Variants in ROR2 observed in about 807,000 individuals in gnomAD.
ROR2 encodes ROR family WNT receptor 2, also known as tyrosine-protein kinase transmembrane receptor ROR2.
A neutral mutation model predicts 74.9 loss-of-function variants in ROR2; 33 were observed. The ratio of observed to expected loss-of-function variants is 0.44; its 90% CI spans 0.33 to 0.59. ROR2 has a LOEUF of 0.59. Ranked by LOEUF, ROR2 falls within the 20% of genes least tolerant of loss-of-function variation. The pLI, the probability that ROR2 is intolerant of heterozygous loss-of-function variation, is 0.02. For synonymous variants in ROR2, 586 were observed against 558.7 expected, an observed-to-expected ratio of 1.05 and a Z score of -0.69; for missense variants, 1,216 against 1,313.8, an observed-to-expected ratio of 0.93 and a Z score of 1.15.
chr9:91,941,032 C>T (rs1256625292), intron 1 of ROR2, among the ~76,000 whole-genome samples: 41 of 128,416 alleles, frequency 3.2e-4, no homozygotes, highest in African/African-American at 1.3e-3. Context: ...GAGTCTCGCT[C>T]TTTCACCCAG....
chr9:91,901,803 CAA>C (rs369341148), intron 1 of ROR2, among the ~76,000 whole-genome samples: 9 of 62,072 alleles, frequency 1.4e-4, no homozygotes, highest in South Asian at 5.1e-4. Context: ...GACTCCATCT[CAA>C]AAAAAAAAAA....
At chr9:91,824,051 T>C (rs1828213446) in intron 1 of ROR2, among the ~76,000 whole-genome samples, 1 of 152,218 alleles carries the variant, frequency 6.6e-6, no homozygotes, top group South Asian at 2.1e-4. Flanking sequence ...TTCACAGCAG[T>C]GTGTCTAAGT....
intron 1 of ROR2, among the ~76,000 whole-genome samples, chr9:91,919,423 C>G (rs1831213182): frequency 6.6e-6 from 1 of 152,186 alleles, no homozygotes; most frequent in South Asian, 2.1e-4. Flanking sequence ...GTAATAACAA[C>G]GGTTCAGGAG....
At chr9:91,738,804 G>A (rs1003811941) in intron 4 of ROR2, among the ~76,000 whole-genome samples, 4 of 152,196 alleles carry the variant, frequency 2.6e-5, no homozygotes, top group African/African-American at 9.7e-5. Flanking sequence ...GACACGGACA[G>A]GCTGTTCTCC....
chr9:91,724,582 G>A lies in ROR2; in HGVS notation c.1912C>T (p.Arg638Ter), dbSNP rs750174836. The A allele has an allele frequency of 6.2e-6, 10 of 1,614,078 alleles. No individual in the cohort carries two copies. The highest frequency in any genetic ancestry group is 2.2e-5 in the East Asian group (1 of 44,854). The part of the protein sequence containing the change: ...NVKISDLGLF[R>*]EVYAADYYKL... ...TAGTAATCGGCGGCATACACCTCTC[G>A]GAAGAGGCCCAAGTCTGAGATCTTC... The change falls in exon 9 of 9, where the codon CGA becomes TGA. Residue 638 changes from arginine (R) to a stop codon, truncating the protein, a stop_gained. Coordinates refer to ENST00000375708, the MANE Select transcript of ROR2 (RefSeq NM_004560.4). LOFTEE classifies it high-confidence loss of function.
intron 2 of ROR2, among the ~76,000 whole-genome samples, chr9:91,775,024 C>A (rs112686470): frequency 6.6e-6 from 1 of 152,194 alleles, no homozygotes; most frequent in South Asian, 2.1e-4. Context: ...CACAGCAAGG[C>A]GGCAGCTGCC....
chr9:91,741,943 A>G (rs1298736125), intron 4 of ROR2, among the ~76,000 whole-genome samples: 3 of 152,260 alleles, frequency 2.0e-5, no homozygotes, highest in Admixed American at 2.0e-4. Context: ...ACAGGAAAAT[A>G]TAACCCGTGG....
intron 1 of ROR2, among the ~76,000 whole-genome samples, chr9:91,865,566 AG>A: frequency 6.6e-6 from 1 of 152,380 alleles, no homozygotes; most frequent in Admixed American, 6.5e-5. Context: ...ATTCTAAGCA[AG>A]GAAGAGATAC....
intron 1 of ROR2, among the ~76,000 whole-genome samples, chr9:91,809,728 C>A (rs978596390): frequency 1.3e-5 from 2 of 152,248 alleles, no homozygotes; most frequent in Admixed American, 6.5e-5. Context: ...AGTGGGCAGG[C>A]GCCGTGGGCG....
At chr9:91,861,193 T>C (rs765441828) in intron 1 of ROR2, among the ~76,000 whole-genome samples, 40 of 152,336 alleles carry the variant, frequency 2.6e-4, no homozygotes, top group Admixed American at 9.8e-4. Context: ...TCCTCAAATT[T>C]TTCTATAGAT....
Position 91,724,387 on chromosome 9 carries a change from C to T in ROR2, c.2107G>A (p.Glu703Lys). 6.2e-7 allele frequency: 1 copy of T among 1,614,102 alleles called. No homozygotes were observed. The highest frequency in any genetic ancestry group is 1.1e-5 in the South Asian group (1 of 91,090). The change falls in exon 9 of 9, where the codon GAG (glutamate) becomes AAG (lysine). Residue 703 changes from glutamate to lysine, a missense_variant. Transcript: ENST00000375708. ...YCGYSNQDVV[E>K]MIRNRQVLPC... Reference sequence around the variant, plus strand: ...AGCACCTGCCGGTTCCGGATCATCTCCACCACATCCTGGTTGGAGTACCCG... The same window carrying T: ...AGCACCTGCCGGTTCCGGATCATCTTCACCACATCCTGGTTGGAGTACCCG...
rs557653509 is a variant in ROR2, at chr9:91,948,800, C to A, written c.97+1067G>T. On this transcript the variant is annotated intron_variant, in intron 1 of 8. Coordinates refer to ENST00000375708, the MANE Select transcript of ROR2 (RefSeq NM_004560.4). ...CACATTCCGGGGGCTTCAGGCGAAC[C>A]CCATAGGTCTCTGGCGCTCCTGGGC... 439 of 985,478 alleles carry A rather than the reference C, an allele frequency of 4.5e-4. 1 individual carries two copies. The highest frequency in any genetic ancestry group is 5.1e-4 in the Non-Finnish European group (420 of 829,964). 61.0% of individuals were successfully genotyped at this position (985,478 alleles called of 1,614,324 possible).
intron 1 of ROR2, among the ~76,000 whole-genome samples, chr9:91,801,288 C>T (rs575696681): frequency 6.6e-6 from 1 of 152,286 alleles, no homozygotes; most frequent in Non-Finnish European, 1.5e-5. Context: ...CATGTGAAGG[C>T]TCTCGTGTCC....
intron 2 of ROR2, among the ~76,000 whole-genome samples, chr9:91,774,979 A>C (rs1826370301): frequency 6.6e-6 from 1 of 152,224 alleles, no homozygotes. Flanking sequence ...TGAGAAGAGA[A>C]TCAAACAGAC....
At chr9:91,869,395 C>A (rs1829729227) in intron 1 of ROR2, among the ~76,000 whole-genome samples, 1 of 152,086 alleles carries the variant, frequency 6.6e-6, no homozygotes, top group Non-Finnish European at 1.5e-5. Flanking sequence ...CTATAACTGG[C>A]AAAAACTAGA....
At chr9:91,751,735 T>G (rs927104870) in intron 4 of ROR2, among the ~76,000 whole-genome samples, 5 of 152,224 alleles carry the variant, frequency 3.3e-5, no homozygotes, top group African/African-American at 1.2e-4. Context: ...TCAAGAAATG[T>G]GCAGATACAT....
chr9:91,927,491 C>T (rs1283594833), intron 1 of ROR2, among the ~76,000 whole-genome samples: 1 of 151,792 alleles, frequency 6.6e-6, no homozygotes, highest in African/African-American at 2.4e-5. Flanking sequence ...CACCTCCATT[C>T]ACCACCTCCA....
intron 1 of ROR2, among the ~76,000 whole-genome samples, chr9:91,863,566 T>C (rs1030774829): frequency 7.9e-5 from 12 of 152,186 alleles, no homozygotes; most frequent in African/African-American, 2.9e-4. Flanking sequence ...GGTGTATCTG[T>C]ACAGTGAAAG....
At chr9:91,816,685 ACCACCCCC>A (rs1827949526) in intron 1 of ROR2, among the ~76,000 whole-genome samples, 1 of 131,302 alleles carries the variant, frequency 7.6e-6, no homozygotes, top group South Asian at 2.9e-4. Context: ...GTCCTTGTTT[ACCACCCCC>A]CCACCCCCCC....
Sources: gnomAD v4.1 joint callset for allele counts (sites outside exome capture counted in the v4.1 genomes callset) on GRCh38, gnomAD v4.1.1 for gene constraint, MANE v1.5 for transcripts, NCBI Gene and HGNC (gene_info 2026-07-23, HGNC 2026-07-21) for gene names.